Variants in CELF4 observed in about 807,000 individuals in gnomAD.
CELF4 encodes the protein CUGBP Elav-like family member 4.
CELF4 carries 18 observed loss-of-function variants against 59.9 expected under a neutral mutation model. The observed-to-expected ratio is 0.30, with a 90% CI of 0.21 to 0.45. The LOEUF is 0.45. Ranked by LOEUF, CELF4 falls within the 20% of genes least tolerant of loss-of-function variation. CELF4 has a pLI of 1.00. For synonymous variants in CELF4, 261 were observed against 267.1 expected, an observed-to-expected ratio of 0.98 and a Z score of 0.22; for missense variants, 456 against 689.0, an observed-to-expected ratio of 0.66 and a Z score of 3.79.
chr18:37,466,963 G>T (rs778759333), intron 2 of CELF4, among the ~76,000 whole-genome samples: 2 of 152,144 alleles, frequency 1.3e-5, no homozygotes, highest in Non-Finnish European at 2.9e-5. Context: ...GCTCACGGGT[G>T]GGGGAGTCAG....
chr18:37,501,515 A>G (rs2099931863), intron 1 of CELF4, among the ~76,000 whole-genome samples: 2 of 152,196 alleles, frequency 1.3e-5, no homozygotes. Flanking sequence ...GAAATAGAAG[A>G]AGAAAGACCA....
intron 1 of CELF4, among the ~76,000 whole-genome samples, chr18:37,545,568 T>A (rs974331529): frequency 6.6e-6 from 1 of 152,104 alleles, no homozygotes; most frequent in Admixed American, 6.5e-5. Flanking sequence ...CCAGACAGCA[T>A]CTCCCTGGGC....
intron 1 of CELF4, among the ~76,000 whole-genome samples, chr18:37,522,518 C>T (rs546375898): frequency 1.1e-4 from 17 of 152,064 alleles, no homozygotes; most frequent in East Asian, 1.9e-4. Context: ...TGTGTGAGCG[C>T]GCACACACAC....
intron 2 of CELF4, among the ~76,000 whole-genome samples, chr18:37,381,980 G>C (rs1480283150): frequency 6.6e-6 from 1 of 152,216 alleles, no homozygotes; most frequent in Non-Finnish European, 1.5e-5. Context: ...GGGAGGAGGA[G>C]CCTTGGACTG....
chr18:37,311,559 G>A (rs557820850), intron 3 of CELF4, among the ~76,000 whole-genome samples: 1 of 152,294 alleles, frequency 6.6e-6, no homozygotes, highest in East Asian at 1.9e-4. Context: ...GGAGGCTGAG[G>A]CGGGTGGATC....
chr18:37,266,987 G>C (rs2077960483), intron 8 of CELF4, among the ~76,000 whole-genome samples: 1 of 152,156 alleles, frequency 6.6e-6, no homozygotes, highest in Admixed American at 6.5e-5. Flanking sequence ...TGTGGGGAAA[G>C]GGGAGGGGGC....
chr18:37,480,866 A>G (rs2099864889), intron 2 of CELF4, among the ~76,000 whole-genome samples: 1 of 152,054 alleles, frequency 6.6e-6, no homozygotes, highest in African/African-American at 2.4e-5. Flanking sequence ...AAAAAGAAAA[A>G]GAAAGAAAGG....
intron 10 of CELF4, among the ~76,000 whole-genome samples, chr18:37,262,875 G>A (rs1330989057): frequency 6.6e-6 from 1 of 152,196 alleles, no homozygotes; most frequent in Admixed American, 6.5e-5. Flanking sequence ...TGGTAGCCCA[G>A]TGTCCCTCAG....
At chr18:37,381,925 C>T (rs2099045126) in intron 2 of CELF4, among the ~76,000 whole-genome samples, 1 of 152,192 alleles carries the variant, frequency 6.6e-6, no homozygotes, top group Non-Finnish European at 1.5e-5. Context: ...GGGAAGAAGA[C>T]ACAACCCAGG....
rs2066846604 is a variant in CELF4, at chr18:37,253,479, C to T, written c.*44+288G>A. The stretch of plus-strand genomic sequence containing the variant: ...CAGGGTTCTCTGGCCAACAGGACTG[C>T]CAATGTAGACCCGGAGGCGCAGGCC... On this transcript the variant is annotated intron_variant, in intron 12 of 12. Transcript: ENST00000420428. This position sits in a 1 kb window ranked among gnomAD's most constrained non-coding sequence, Gnocchi z 4.5. 2.0e-5 allele frequency among the ~76,000 whole-genome samples: 3 copies of T among 152,192 alleles called. 1 individual carries two copies. The South Asian group carries it at 6.2e-4, about 31-fold the overall frequency.
intron 2 of CELF4, among the ~76,000 whole-genome samples, chr18:37,380,394 C>T (rs2099023140): frequency 6.6e-6 from 1 of 152,224 alleles, no homozygotes; most frequent in African/African-American, 2.4e-5. Flanking sequence ...ATTCTCATGT[C>T]TTTGCCCAAT....
At chr18:37,372,810 T>G (rs1017284727) in intron 2 of CELF4, among the ~76,000 whole-genome samples, 9 of 151,028 alleles carry the variant, frequency 6.0e-5, no homozygotes, top group African/African-American at 2.2e-4. Flanking sequence ...TTTAATGAAA[T>G]AAAATAATTT....
At chr18:37,397,727 G>A (rs1377743786) in intron 2 of CELF4, among the ~76,000 whole-genome samples, 1 of 152,216 alleles carries the variant, frequency 6.6e-6, no homozygotes, top group African/African-American at 2.4e-5. Context: ...AGCACTGGCT[G>A]TACATGAAGC....
chr18:37,282,941 C>T (rs886373350), intron 3 of CELF4, among the ~76,000 whole-genome samples: 10 of 152,112 alleles, frequency 6.6e-5, no homozygotes, highest in Admixed American at 6.5e-4. Context: ...AGCCTTCCTG[C>T]TTGGGAAGAA....
At chr18:37,363,311 A>G (rs905410067) in intron 2 of CELF4, among the ~76,000 whole-genome samples, 4 of 152,252 alleles carry the variant, frequency 2.6e-5, no homozygotes, top group African/African-American at 9.6e-5. Context: ...ACAGAAATTT[A>G]TCACCTACCA....
intron 2 of CELF4, among the ~76,000 whole-genome samples, chr18:37,453,959 T>C (rs2099771223): frequency 6.6e-6 from 1 of 152,160 alleles, no homozygotes; most frequent in South Asian, 2.1e-4. Context: ...TCCTGTTTGA[T>C]CTAACCCAAG....
intron 2 of CELF4, among the ~76,000 whole-genome samples, chr18:37,422,631 C>T (rs1265257909): frequency 6.6e-6 from 1 of 152,120 alleles, no homozygotes; most frequent in African/African-American, 2.4e-5. Context: ...AAAGAGCAGG[C>T]CAGAGTGTGC....
chr18:37,256,505 G>C (rs2069550185), intron 11 of CELF4, among the ~76,000 whole-genome samples: 1 of 152,246 alleles, frequency 6.6e-6, no homozygotes, highest in Non-Finnish European at 1.5e-5. Flanking sequence ...CAAAGGAAGA[G>C]ATTGAGGCTC....
At chr18:37,391,241 A>G (rs1429044704) in intron 2 of CELF4, among the ~76,000 whole-genome samples, 1 of 152,212 alleles carries the variant, frequency 6.6e-6, no homozygotes, top group Non-Finnish European at 1.5e-5. Flanking sequence ...CTGAGGGGGC[A>G]GAGGGTCAGG....
Sources: gnomAD v4.1 joint callset for allele counts (sites outside exome capture counted in the v4.1 genomes callset) on GRCh38, gnomAD v4.1.1 for gene constraint, Gnocchi (gnomAD v3.1) non-coding constraint, MANE v1.5 for transcripts, NCBI Gene and HGNC (gene_info 2026-07-23, HGNC 2026-07-21) for gene names.